Variants in TMPRSS11E observed in about 807,000 individuals in gnomAD.
TMPRSS11E encodes the protein transmembrane serine protease 11E.
A neutral mutation model predicts 48.1 loss-of-function variants in TMPRSS11E; 38 were observed. The ratio of observed to expected loss-of-function variants is 0.79; its 90% confidence interval spans 0.61 to 1.04. The LOEUF (loss-of-function observed/expected upper bound fraction) is 1.04, where lower values mean the gene tolerates loss of function less well. TMPRSS11E is among the 50% of genes least tolerant of loss of function. The pLI is 0.00. For missense variants in TMPRSS11E, 530 were observed against 510.8 expected (o/e 1.04, Z -0.36); for synonymous variants, 158 against 171.9 (o/e 0.92, Z 0.63).
chr4:68,489,855 C>T (rs1211603003), intron 9 of TMPRSS11E, among the ~76,000 whole-genome samples: 1 of 152,248 alleles, frequency 6.6e-6, no homozygotes, highest in African/African-American at 2.4e-5. Context: ...TGTCCATCAA[C>T]AAAGGCGAAA....
chr4:68,497,303 A>G lies in TMPRSS11E; in HGVS notation c.*499A>G, dbSNP rs570435173. 1 of 152,374 alleles carries G rather than the reference A, an allele frequency of 6.6e-6. No individual in the cohort carries two copies. Among genetic ancestry groups the G allele is most frequent in the Non-Finnish European group, 1.5e-5 (1 of 68,152 alleles). The allele number at this position is 152,374 out of a possible 1,614,324, so 9.4% of individuals were successfully genotyped here. On this transcript the variant is annotated 3_prime_UTR_variant, in exon 10 of 10. Coordinates refer to ENST00000305363, the MANE Select transcript of TMPRSS11E (RefSeq NM_014058.4). ...AGTATTAGGTGTTTTTCTTAGTGGAATATTAGAAATGATCATATTCATTAT... is the reference window on the plus strand; with the variant it reads ...AGTATTAGGTGTTTTTCTTAGTGGAGTATTAGAAATGATCATATTCATTAT...
intron 1 of TMPRSS11E, among the ~76,000 whole-genome samples, chr4:68,450,844 G>T (rs1373977668): frequency 1.3e-5 from 2 of 151,792 alleles, no homozygotes; most frequent in Non-Finnish European, 2.9e-5. Flanking sequence ...TTCTAAAAAG[G>T]ATTACATTTG....
At chr4:68,491,628 C>G (rs1025843156) in intron 9 of TMPRSS11E, among the ~76,000 whole-genome samples, 2 of 152,182 alleles carry the variant, frequency 1.3e-5, no homozygotes, top group African/African-American at 4.8e-5. Flanking sequence ...GTGCATCACT[C>G]ACAAAATCAT....
chr4:68,452,665 A>AT (rs1728530667), intron 1 of TMPRSS11E, among the ~76,000 whole-genome samples: 1 of 151,986 alleles, frequency 6.6e-6, no homozygotes, highest in East Asian at 1.9e-4. Context: ...TGAAGCACAG[A>AT]TAACTTACCT....
intron 9 of TMPRSS11E, among the ~76,000 whole-genome samples, chr4:68,479,463 T>C (rs1178912846): frequency 6.6e-6 from 1 of 150,386 alleles, no homozygotes; most frequent in Non-Finnish European, 1.5e-5. Context: ...TAGTGGTTCC[T>C]TTAAGTTATA....
intron 2 of TMPRSS11E, among the ~76,000 whole-genome samples, chr4:68,463,469 T>C (rs1293323425): frequency 1.3e-5 from 2 of 152,054 alleles, no homozygotes; most frequent in Non-Finnish European, 2.9e-5. Flanking sequence ...ACCCGGCTAA[T>C]TTTTTCTATT....
chr4:68,468,762 A>T (rs1728987058), intron 3 of TMPRSS11E, 117 bp from the exon 4 acceptor site: 1 of 812,934 alleles, frequency 1.2e-6, no homozygotes, highest in Non-Finnish European at 2.1e-6. Flanking sequence ...ACTCACTGTG[A>T]AATGTCAATG....
chr4:68,474,627 A>G (rs1390251273), intron 5 of TMPRSS11E, 96 bp from the exon 6 acceptor site: 3 of 1,119,582 alleles, frequency 2.7e-6, no homozygotes, highest in Non-Finnish European at 4.0e-6. Flanking sequence ...ATACTGTTTT[A>G]TAATAAAATT....
chr4:68,454,149 A>G (rs753812800), intron 1 of TMPRSS11E, among the ~76,000 whole-genome samples: 2 of 151,972 alleles, frequency 1.3e-5, no homozygotes, highest in Non-Finnish European at 2.9e-5. Flanking sequence ...GTATAGCTGT[A>G]TTAAGTTTGA....
At position 68,496,929 on chromosome 4, in the gene TMPRSS11E, G is replaced by A. The variant is rs1431037953; in HGVS notation, c.*125G>A. 2 of 979,454 alleles carry A rather than the reference G, an allele frequency of 2.0e-6. No individual in the cohort carries two copies. Among genetic ancestry groups the A allele is most frequent in the Non-Finnish European group, 3.1e-6 (2 of 650,546 alleles). The allele number at this position is 979,454 out of a possible 1,614,324, so 60.7% of individuals were successfully genotyped here. On this transcript the variant is annotated 3_prime_UTR_variant, in exon 10 of 10. Coordinates refer to ENST00000305363, the MANE Select transcript of TMPRSS11E (RefSeq NM_014058.4). ...TAGATTTGACTGATCTCAATAAACT[G>A]TTTGCTTGATGCATGTATTTTCTTC...
At chr4:68,472,230 C>G (rs1423662657) in intron 5 of TMPRSS11E, among the ~76,000 whole-genome samples, 2 of 151,762 alleles carry the variant, frequency 1.3e-5, no homozygotes, top group Non-Finnish European at 2.9e-5. Context: ...TAAGATCTGG[C>G]TAAGGGCTGG....
intron 6 of TMPRSS11E, 68 bp downstream of exon 6, chr4:68,474,829 G>A: frequency 2.2e-6 from 3 of 1,333,658 alleles, no homozygotes; most frequent in African/African-American, 1.5e-5. Flanking sequence ...AGGTCATTTA[G>A]GTTTACTTTG....
intron 1 of TMPRSS11E, among the ~76,000 whole-genome samples, chr4:68,458,827 T>C (rs1728708105): frequency 6.6e-6 from 1 of 152,190 alleles, no homozygotes; most frequent in Non-Finnish European, 1.5e-5. Context: ...ACAAACATCT[T>C]AGTAATGTGG....
At chr4:68,487,316 A>ACG (rs1729583184) in intron 9 of TMPRSS11E, among the ~76,000 whole-genome samples, 2 of 151,492 alleles carry the variant, frequency 1.3e-5, no homozygotes, top group East Asian at 1.9e-4. Context: ...GCAAAGGTGC[A>ACG]ATCTGAGCTC....
In TMPRSS11E at chr4:68,466,764, G is replaced by C. The variant is rs1415260512; in HGVS notation, c.258+12G>C. On this transcript the variant is annotated intron_variant, in intron 3 of 9. Coordinates refer to ENST00000305363, the MANE Select transcript of TMPRSS11E (RefSeq NM_014058.4). ...GACTTGAATCAATGGTAAGCAACTT[G>C]TCATCTACTTCTAGTGCATTTGCTT... is the stretch of plus-strand genomic sequence containing the variant. 6.2e-7 allele frequency: 1 copy of C among 1,613,042 alleles called. No homozygotes were observed. Among genetic ancestry groups the C allele is most frequent in the Non-Finnish European group, 8.5e-7 (1 of 1,179,472 alleles).
intron 9 of TMPRSS11E, among the ~76,000 whole-genome samples, chr4:68,488,901 T>A (rs569993325): frequency 6.6e-6 from 1 of 152,352 alleles, no homozygotes; most frequent in African/African-American, 2.4e-5. Flanking sequence ...ATTGATGCCA[T>A]AAGTTCCTTA....
chr4:68,497,245 A>G lies in TMPRSS11E; in HGVS notation c.*441A>G, dbSNP rs1488788699. ...AAGGAGTGAAAGAAAATATAAGAAGAAAAAAATCCCCTACATTTTATTGGC... is the reference window on the plus strand; with the variant it reads ...AAGGAGTGAAAGAAAATATAAGAAGGAAAAAATCCCCTACATTTTATTGGC... On this transcript the variant is annotated 3_prime_UTR_variant, in exon 10 of 10. Transcript: ENST00000305363. The G allele has an allele frequency of 6.5e-6, 1 of 152,788 alleles. No homozygotes were observed. Among genetic ancestry groups the G allele is most frequent in the African/African-American group, 2.4e-5 (1 of 41,444 alleles). The allele number at this position is 152,788 out of a possible 1,614,324, so 9.5% of individuals were successfully genotyped here.
intron 9 of TMPRSS11E, among the ~76,000 whole-genome samples, chr4:68,490,752 T>C (rs1187494942): frequency 1.4e-4 from 1 of 7,124 alleles, no homozygotes; most frequent in African/African-American, 2.1e-4. Context: ...CAGCATATTC[T>C]TTTTTTTTTT....
chr4:68,478,079 G>C (rs1729282391), intron 8 of TMPRSS11E, among the ~76,000 whole-genome samples: 1 of 151,172 alleles, frequency 6.6e-6, no homozygotes, highest in African/African-American at 2.4e-5. Context: ...GCTCAAAGTA[G>C]TTAGGAACAA....
Sources: allele counts gnomAD v4.1 joint callset (sites outside exome capture counted in the v4.1 genomes callset), GRCh38; gene constraint gnomAD v4.1.1; transcripts MANE v1.5; gene names NCBI Gene and HGNC (gene_info 2026-07-23, HGNC 2026-07-21).